The following RCBTB2 variants were observed in gnomAD, a reference collection of about 807,000 sequenced individuals.
RCBTB2 encodes RCC1 and BTB domain-containing protein 2.
Under a neutral mutation model 65.4 loss-of-function variants are expected in RCBTB2, and 55 were observed. The ratio of observed to expected loss-of-function variants is 0.84; its 90% CI spans 0.68 to 1.05. The LOEUF (loss-of-function observed/expected upper bound fraction) is 1.05, where lower values mean the gene tolerates loss of function less well. RCBTB2 is among the 50% of genes least tolerant of loss of function. RCBTB2 has a pLI of 0.00. For missense variants in RCBTB2, 599 were observed against 680.1 expected (o/e 0.88, Z 1.33); for synonymous variants, 220 against 255.2 (o/e 0.86, Z 1.31).
At chr13:48,533,116 C>T (rs1214938152), upstream of RCBTB2, 1 of 433,510 alleles carries the variant, frequency 2.3e-6, no homozygotes, top group Non-Finnish European at 4.7e-6. Context: ...GAGTTGGCGC[C>T]TCCCCCTGAA....
rs1213235186 is a variant in RCBTB2, at chr13:48,493,313, A to ACTCT, written c.1515+2877_1515+2878insAGAG. Among the ~76,000 whole-genome samples, 99 of 60,130 alleles carry ACTCT rather than the reference A, an allele frequency of 1.6e-3. 2 individuals are homozygous for ACTCT. Among genetic ancestry groups the ACTCT allele is most frequent in the Admixed American group, 3.6e-3 (19 of 5,338 alleles). The allele number at this position is 60,130 out of a possible 152,430, so 39.4% of individuals were successfully genotyped here. On this transcript the variant is annotated intron_variant, in intron 14 of 14. Transcript: ENST00000344532. The stretch of plus-strand genomic sequence containing the variant: ...TCCACACACACACACACACACACAC[A>ACTCT]CACTCTCTCTCTCTCTCTCTCTCTC...
intron 14 of RCBTB2, among the ~76,000 whole-genome samples, chr13:48,490,529 T>C (rs1016163115): frequency 6.6e-5 from 10 of 152,230 alleles, no homozygotes; most frequent in Admixed American, 5.2e-4. Context: ...GATAGGCATG[T>C]GAGTGTGTGA....
intron 4 of RCBTB2, among the ~76,000 whole-genome samples, chr13:48,517,944 C>T (rs890089726): frequency 1.3e-5 from 2 of 152,008 alleles, no homozygotes; most frequent in African/African-American, 2.4e-5. Context: ...TAAAAGAAGA[C>T]GAGAGGGCAC....
At chr13:48,532,883 T>G in intron 1 of RCBTB2, 145 bp downstream of exon 1, 1 of 418,782 alleles carries the variant, frequency 2.4e-6, no homozygotes. Context: ...GCGGCTCTAG[T>G]CCCCTGGGCC....
chr13:48,499,974 T>C (rs866535909), intron 12 of RCBTB2, among the ~76,000 whole-genome samples: 1 of 152,206 alleles, frequency 6.6e-6, no homozygotes, highest in Non-Finnish European at 1.5e-5. Context: ...GCAGCCCCAA[T>C]GGCCGTGCTA....
At chr13:48,510,037 A>G (rs545064262) in intron 10 of RCBTB2, among the ~76,000 whole-genome samples, 27 of 152,352 alleles carry the variant, frequency 1.8e-4, no homozygotes, top group African/African-American at 6.5e-4. Context: ...TTTCAAAAAT[A>G]TCAGAATAAC....
chr13:48,502,734 G>A lies in RCBTB2; in HGVS notation c.1107C>T (p.Leu369=), dbSNP rs1950295408. The change falls in exon 11 of 15, where the codon CTC becomes CTT. Residue 369 remains leucine, a synonymous_variant. Transcript: ENST00000344532. ...CFATPAVTWR[L]LSVEPDDHLT... is the part of the protein sequence containing the mutation. Reference sequence around the variant, plus strand: ...CAGTGACCAGCTTACCCACGGAGAGGAGGCGCCACGTGACGGCGGGCGTGG... The same window carrying A: ...CAGTGACCAGCTTACCCACGGAGAGAAGGCGCCACGTGACGGCGGGCGTGG... The A allele has an allele frequency of 6.2e-7, 1 of 1,611,286 alleles. No homozygotes were observed. Among genetic ancestry groups the A allele is most frequent in the Non-Finnish European group, 8.5e-7 (1 of 1,178,186 alleles).
intron 10 of RCBTB2, among the ~76,000 whole-genome samples, chr13:48,507,697 ATTCCCAATCCTGGT>A (rs1362733929): frequency 1.3e-5 from 2 of 152,250 alleles, no homozygotes; most frequent in African/African-American, 4.8e-5. Flanking sequence ...CACAGCAGGG[ATTCCCAATCCTGGT>A]TTTGTAAGAG....
At chr13:48,511,385 AT>A (rs145099808) in intron 9 of RCBTB2, among the ~76,000 whole-genome samples, 1,675 of 152,070 alleles carry the variant, frequency 0.011, 32 homozygotes, top group African/African-American at 0.038. Context: ...TGTTACACCT[AT>A]TTTTTTTATT....
intron 12 of RCBTB2, 66 bp downstream of exon 12, chr13:48,501,676 T>C: frequency 7.1e-7 from 1 of 1,406,230 alleles, no homozygotes; most frequent in Non-Finnish European, 9.9e-7. Flanking sequence ...CTAATATAGT[T>C]GGACACTTAG....
At chr13:48,495,841 C>T (rs1949942456) in intron 14 of RCBTB2, among the ~76,000 whole-genome samples, 1 of 152,058 alleles carries the variant, frequency 6.6e-6, no homozygotes, top group African/African-American at 2.4e-5. Flanking sequence ...CCAAACTGTT[C>T]CTATTGTCTT....
At chr13:48,524,165 A>G (rs1951578162) in intron 2 of RCBTB2, among the ~76,000 whole-genome samples, 1 of 152,158 alleles carries the variant, frequency 6.6e-6, no homozygotes, top group Non-Finnish European at 1.5e-5. Flanking sequence ...GAAAACTATC[A>G]TCCCCAATTT....
chr13:48,532,982 G>T, intron 1 of RCBTB2, 46 bp downstream of exon 1: 1 of 455,564 alleles, frequency 2.2e-6, no homozygotes, highest in South Asian at 1.5e-5. Flanking sequence ...CCACGTCACG[G>T]CCGCGATCCC....
chr13:48,526,451 G>A (rs1365787406), intron 1 of RCBTB2, among the ~76,000 whole-genome samples: 6 of 151,912 alleles, frequency 3.9e-5, no homozygotes, highest in Admixed American at 1.3e-4. Context: ...TAGGTGGATC[G>A]CTTGAACCCA....
chr13:48,515,206 T>A lies in RCBTB2; in HGVS notation c.348A>T (p.Thr116=). ...TTCTACATGGGGTTCCTAGGTTACC[T>A]GTTGTTGCAAGGACAATATGTGGAC... ...GSGPHIVLAT[T]EGEVFTWGHN... Residue 116 remains threonine (T), a splice_region_variant and synonymous_variant, in exon 6 of 15, where the codon ACA becomes ACT. Transcript: ENST00000344532. 6.2e-7 allele frequency: 1 copy of A among 1,611,288 alleles called. No individual in the cohort carries two copies. Among genetic ancestry groups the A allele is most frequent in the Non-Finnish European group, 8.5e-7 (1 of 1,179,094 alleles).
chr13:48,506,901 G>A (rs574435103), intron 10 of RCBTB2, among the ~76,000 whole-genome samples: 1 of 152,204 alleles, frequency 6.6e-6, no homozygotes. Flanking sequence ...AGTGACTGGA[G>A]CACAACAGCA....
intron 14 of RCBTB2, among the ~76,000 whole-genome samples, chr13:48,493,871 T>G (rs1484695303): frequency 6.6e-6 from 1 of 152,192 alleles, no homozygotes; most frequent in Non-Finnish European, 1.5e-5. Flanking sequence ...GCAGAGATTT[T>G]GGATTGTTTT....
intron 1 of RCBTB2, among the ~76,000 whole-genome samples, chr13:48,528,983 T>C (rs980436734): frequency 6.6e-6 from 1 of 152,216 alleles, no homozygotes; most frequent in East Asian, 1.9e-4. Flanking sequence ...TTTGTTTTTT[T>C]AAAAAGTTTT....
chr13:48,534,482 T>C (rs569749781), upstream of RCBTB2, among the ~76,000 whole-genome samples: 1 of 152,340 alleles, frequency 6.6e-6, no homozygotes, highest in South Asian at 2.1e-4. Context: ...GCAAGATCTG[T>C]TTGCCTTGCG....
Sources: allele counts gnomAD v4.1 joint callset (sites outside exome capture counted in the v4.1 genomes callset), GRCh38; gene constraint gnomAD v4.1.1; transcripts MANE v1.5; gene names NCBI Gene and HGNC (gene_info 2026-07-23, HGNC 2026-07-21).